Variants in ZNF486 observed in about 807,000 individuals in gnomAD.
ZNF486 encodes KRAB box only protein 2.
In ZNF486, 12 loss-of-function variants were observed where a neutral mutation model predicts 12.8. That is an observed-to-expected ratio of 0.94 (90% CI 0.60 to 1.52). The LOEUF (loss-of-function observed/expected upper bound fraction) is 1.52. Ranked by LOEUF, ZNF486 falls within the 40% of genes most tolerant of loss-of-function variation. The pLI is 0.00. For synonymous variants in ZNF486, 231 were observed against 184.9 expected (o/e 1.25, Z -2.02); for missense variants, 738 against 545.0 (o/e 1.35, Z -3.53).
chr19:20,199,797 T>G lies in ZNF486; in HGVS notation c.*1695T>G, dbSNP rs1219243875. ...ACATTAAAAGTATACTTGTTCCAGCTGCGTGTGGTGGCTCATGCCTGTAAT... is the reference window on the plus strand; with the variant it reads ...ACATTAAAAGTATACTTGTTCCAGCGGCGTGTGGTGGCTCATGCCTGTAAT... On this transcript the variant is annotated 3_prime_UTR_variant, in exon 4 of 4. Transcript: ENST00000335117. The G allele has an allele frequency of 1.3e-5, 2 of 152,070 alleles. No individual in the cohort carries two copies. The highest frequency in any genetic ancestry group is 2.9e-5 in the Non-Finnish European group (2 of 68,034). The allele number at this position is 152,070 out of a possible 1,614,324, so 9.4% of individuals were successfully genotyped here.
intron 1 of ZNF486, chr19:20,175,131 T>C (rs2089691405): frequency 6.6e-6 from 1 of 152,128 alleles, no homozygotes; most frequent in Non-Finnish European, 1.5e-5. Context: ...CTTCTGAAAA[T>C]CTGCCACCTT....
intron 1 of ZNF486, among the ~76,000 whole-genome samples, chr19:20,182,667 C>T (rs921996600): frequency 5.9e-5 from 9 of 152,094 alleles, no homozygotes; most frequent in African/African-American, 1.2e-4. Flanking sequence ...GGGAGGGCAC[C>T]TGAGGACAGG....
Position 20,172,865 on chromosome 19 carries a change from A to G in ZNF486, c.30+5505A>G, listed in dbSNP as rs1555714104. Among the ~76,000 whole-genome samples the G allele has an allele frequency of 5.5e-5, 8 of 144,678 alleles. No individual in the cohort carries two copies. In the South Asian group the frequency reaches 1.7e-3, roughly 32 times the overall value. The allele number at this position is 144,678 out of a possible 152,430, so 94.9% of individuals were successfully genotyped here. ...ACCCTGTTGGTCAGGCTGGTCTTGA[A>G]CTCCTGACCTCGTGATACACCCGCC... is the stretch of plus-strand genomic sequence containing the variant. On this transcript the variant is annotated intron_variant, in intron 1 of 3. Transcript: ENST00000335117.
chr19:20,168,084 G>A (rs183014293), intron 1 of ZNF486, among the ~76,000 whole-genome samples: 1 of 152,202 alleles, frequency 6.6e-6, no homozygotes, highest in East Asian at 1.9e-4. Context: ...ATTCCTGGTC[G>A]GGCGCGGTGG....
At chr19:20,189,236 T>A (rs1555716869) in intron 3 of ZNF486, among the ~76,000 whole-genome samples, 1 of 152,158 alleles carries the variant, frequency 6.6e-6, no homozygotes, top group Non-Finnish European at 1.5e-5. Flanking sequence ...CACACCCAGC[T>A]AATTTTTTGT....
At chr19:20,195,251 G>A (rs1429867562) in intron 3 of ZNF486, among the ~76,000 whole-genome samples, 4 of 152,144 alleles carry the variant, frequency 2.6e-5, no homozygotes, top group South Asian at 2.1e-4. Flanking sequence ...TCACTGCAAC[G>A]TTTCCCGCCT....
intron 1 of ZNF486, among the ~76,000 whole-genome samples, chr19:20,169,401 G>C (rs1175861440): frequency 6.6e-6 from 1 of 152,142 alleles, no homozygotes; most frequent in Non-Finnish European, 1.5e-5. Flanking sequence ...GCGCCACCGC[G>C]CCCGGCCAAC....
chr19:20,186,643 G>C (rs1175078684), intron 3 of ZNF486, among the ~76,000 whole-genome samples: 1 of 151,724 alleles, frequency 6.6e-6, no homozygotes, highest in South Asian at 2.1e-4. Context: ...TTAGTATCAC[G>C]TAACTTTTAG....
chr19:20,187,870 C>A (rs2089866176), intron 3 of ZNF486, among the ~76,000 whole-genome samples: 2 of 151,998 alleles, frequency 1.3e-5, no homozygotes, highest in African/African-American at 4.8e-5. Context: ...TGATGAGATG[C>A]CCTCTGAATT....
At chr19:20,188,462 T>A (rs2089871590) in intron 3 of ZNF486, 1 of 398,520 alleles carries the variant, frequency 2.5e-6, no homozygotes, top group Non-Finnish European at 4.4e-6. Context: ...CACAGGAGGA[T>A]CCCTGGAGCC....
intron 3 of ZNF486, among the ~76,000 whole-genome samples, chr19:20,193,980 A>G (rs2089932118): frequency 6.6e-6 from 1 of 152,130 alleles, no homozygotes; most frequent in Non-Finnish European, 1.5e-5. Flanking sequence ...GAAATTCTTC[A>G]TCATTACATT....
chr19:20,173,506 A>G (rs1352907014), intron 1 of ZNF486, among the ~76,000 whole-genome samples: 1 of 152,086 alleles, frequency 6.6e-6, no homozygotes, highest in Non-Finnish European at 1.5e-5. Flanking sequence ...TGCAAAACTC[A>G]GGTGTCCAAG....
intron 3 of ZNF486, chr19:20,188,715 C>A: frequency 2.8e-6 from 1 of 356,382 alleles, no homozygotes; most frequent in Non-Finnish European, 5.0e-6. Flanking sequence ...TAAAATACTT[C>A]TAGACACTTT....
rs1444182460 is a variant in ZNF486 at position 20,200,119 on chromosome 19, A to C, written c.*2017A>C. On this transcript the variant is annotated 3_prime_UTR_variant, in exon 4 of 4. Coordinates refer to ENST00000335117, the MANE Select transcript of ZNF486 (RefSeq NM_052852.4). ...GTTTCCTTAAAAAAATTTTTCTGAA[A>C]AGTGGGTAATGACATAATACAGCTT... 1 of 151,786 alleles carries C rather than the reference A, an allele frequency of 6.6e-6. No individual in the cohort carries two copies. Among genetic ancestry groups the C allele is most frequent in the Non-Finnish European group, 1.5e-5 (1 of 68,012 alleles). 9.4% of individuals were successfully genotyped at this position (151,786 alleles called of 1,614,324 possible).
chr19:20,196,755 C>A (rs530053651), intron 3 of ZNF486, among the ~76,000 whole-genome samples: 2 of 152,212 alleles, frequency 1.3e-5, no homozygotes, highest in East Asian at 3.8e-4. Flanking sequence ...GACTTTCACA[C>A]ACTTAAAACT....
chr19:20,186,356 A>C (rs868949394), intron 3 of ZNF486, among the ~76,000 whole-genome samples: 1 of 152,196 alleles, frequency 6.6e-6, no homozygotes, highest in Non-Finnish European at 1.5e-5. Context: ...ATGGCATATA[A>C]GTGATTGCAC....
chr19:20,184,602 G>A (rs1460742724), intron 2 of ZNF486, 120 bp downstream of exon 2: 2 of 1,128,664 alleles, frequency 1.8e-6, no homozygotes, highest in African/African-American at 3.3e-5. Context: ...CCTTTTTCCA[G>A]AAAATCTTCA....
chr19:20,172,598 C>T (rs1415061631), intron 1 of ZNF486, among the ~76,000 whole-genome samples: 4 of 151,918 alleles, frequency 2.6e-5, no homozygotes, highest in Non-Finnish European at 4.4e-5. Context: ...CATGCCCGGC[C>T]TGCCTACTTT....
At chr19:20,172,440 AG>A (rs1568316261) in intron 1 of ZNF486, among the ~76,000 whole-genome samples, 1 of 151,944 alleles carries the variant, frequency 6.6e-6, no homozygotes, top group African/African-American at 2.4e-5. Flanking sequence ...CTGGGATTAC[AG>A]GCACCTGCAC....
Sources: gnomAD v4.1 joint callset for allele counts (sites outside exome capture counted in the v4.1 genomes callset) on GRCh38, gnomAD v4.1.1 for gene constraint, MANE v1.5 for transcripts, NCBI Gene and HGNC (gene_info 2026-07-23, HGNC 2026-07-21) for gene names.